Variants in TBC1D4 observed in about 807,000 individuals in gnomAD.
TBC1D4 encodes TBC (Tre-2, BUB2, CDC16) domain-containing protein.
Under a neutral mutation model 142.5 loss-of-function variants are expected in TBC1D4, and 121 were observed. The ratio of observed to expected loss-of-function variants is 0.85; its 90% CI spans 0.73 to 0.99. The LOEUF is 0.99. Among genes scored for constraint, TBC1D4 ranks in the 50% least tolerant of loss-of-function variants. The pLI, the probability that TBC1D4 is intolerant of heterozygous loss-of-function variation, is 0.00. For synonymous variants in TBC1D4, 630 were observed against 628.2 expected, an observed-to-expected ratio of 1.00 and a Z score of -0.04; for missense variants, 1,475 against 1,606.6, an observed-to-expected ratio of 0.92 and a Z score of 1.40.
rs556147604 is a variant in TBC1D4 at position 75,355,047 on chromosome 13, C to T, written c.1275+1100G>A. Among the ~76,000 whole-genome samples the T allele has an allele frequency of 3.9e-5, 6 of 152,220 alleles. No individual in the cohort carries two copies. In the South Asian group the frequency reaches 1.2e-3, roughly 32 times the overall value. On this transcript the variant is annotated intron_variant, in intron 4 of 20. Coordinates refer to ENST00000377636, the MANE Select transcript of TBC1D4 (RefSeq NM_014832.5). ...TATCTTTTAGAGAAAAAGATGAAGG[C>T]CAGAGGCTGCTGGTCACAAAGTGCC...
intron 1 of TBC1D4, among the ~76,000 whole-genome samples, chr13:75,428,654 A>C (rs1036372317): frequency 6.6e-6 from 1 of 152,246 alleles, no homozygotes; most frequent in Non-Finnish European, 1.5e-5. Flanking sequence ...TTTTCTTCCA[A>C]AATGGTTTTT....
chr13:75,294,764 T>C (rs1434917941), intron 18 of TBC1D4, 90 bp downstream of exon 18: 5 of 1,419,610 alleles, frequency 3.5e-6, no homozygotes, highest in Non-Finnish European at 2.0e-6. Context: ...TAACACATGA[T>C]AGAACAATAG....
chr13:75,396,962 G>A (rs1179490134), intron 1 of TBC1D4, among the ~76,000 whole-genome samples: 3 of 152,146 alleles, frequency 2.0e-5, no homozygotes, highest in African/African-American at 4.8e-5. Flanking sequence ...TAAGAAACAG[G>A]AAGCCATACA....
chr13:75,394,655 A>T (rs1884687787), intron 1 of TBC1D4, among the ~76,000 whole-genome samples: 3 of 152,324 alleles, frequency 2.0e-5, no homozygotes, highest in Admixed American at 2.0e-4. Flanking sequence ...TAGACGCTAG[A>T]TTTGCGAATC....
chr13:75,360,453 T>C (rs557366765), intron 2 of TBC1D4, among the ~76,000 whole-genome samples: 5 of 152,130 alleles, frequency 3.3e-5, no homozygotes, highest in African/African-American at 1.2e-4. Context: ...AGAAAAAATA[T>C]GAACTTCCAG....
At chr13:75,424,109 T>A (rs1049731602) in intron 1 of TBC1D4, among the ~76,000 whole-genome samples, 2 of 151,898 alleles carry the variant, frequency 1.3e-5, no homozygotes, top group African/African-American at 2.4e-5. Context: ...CAAAACAATT[T>A]AAAAATTCAA....
At chr13:75,438,496 T>A (rs1382386952) in intron 1 of TBC1D4, among the ~76,000 whole-genome samples, 1 of 152,184 alleles carries the variant, frequency 6.6e-6, no homozygotes, top group African/African-American at 2.4e-5. Context: ...ATCAATGTCC[T>A]CTAAAGCACT....
intron 1 of TBC1D4, among the ~76,000 whole-genome samples, chr13:75,445,506 A>G (rs918074027): frequency 6.6e-6 from 1 of 152,238 alleles, no homozygotes; most frequent in Non-Finnish European, 1.5e-5. Flanking sequence ...ATCCACTGAG[A>G]TCGTATATGC....
intron 17 of TBC1D4, among the ~76,000 whole-genome samples, chr13:75,298,766 TACAC>T (rs767678319): frequency 3.5e-5 from 5 of 142,788 alleles, no homozygotes; most frequent in Non-Finnish European, 7.8e-5. Flanking sequence ...CACACACACA[TACAC>T]ACACACACAC....
At chr13:75,354,382 GC>G (rs1351045942) in intron 4 of TBC1D4, among the ~76,000 whole-genome samples, 1 of 152,156 alleles carries the variant, frequency 6.6e-6, no homozygotes, top group African/African-American at 2.4e-5. Flanking sequence ...TAACACAAGG[GC>G]CCAAGTAAAG....
At chr13:75,385,980 C>T (rs1884142926) in intron 1 of TBC1D4, among the ~76,000 whole-genome samples, 1 of 152,140 alleles carries the variant, frequency 6.6e-6, no homozygotes, top group Admixed American at 6.5e-5. Flanking sequence ...AGTGTGCACC[C>T]TAAAGCCCTC....
chr13:75,345,284 G>T (rs1881055744), intron 5 of TBC1D4, among the ~76,000 whole-genome samples: 1 of 152,228 alleles, frequency 6.6e-6, no homozygotes, highest in African/African-American at 2.4e-5. Context: ...CTCGCACATG[G>T]AGAGGCCTAC....
At chr13:75,375,843 C>T (rs1883475029) in intron 1 of TBC1D4, 1 of 141,258 alleles carries the variant, frequency 7.1e-6, no homozygotes, top group Non-Finnish European at 1.5e-5. Flanking sequence ...CAAAACAAAT[C>T]TACTTACACC....
chr13:75,481,399 C>G lies in TBC1D4; in HGVS notation c.369G>C (p.Ala123=). The stretch of plus-strand genomic sequence containing the variant: ...TGTGGATGAAGCGCGAGATATGCTG[C>G]GCCTTGTGCTCGAAGATGAATACCG... ...NPAVFIFEHK[A]QHISRFIHNS... is the part of the protein sequence containing the mutation. Residue 123 remains alanine, a synonymous_variant, in exon 1 of 21, where the codon GCG becomes GCC. Transcript: ENST00000377636. 1 of 1,613,902 alleles carries G rather than the reference C, an allele frequency of 6.2e-7. No homozygotes were observed. Among genetic ancestry groups the G allele is most frequent in the Non-Finnish European group, 8.5e-7 (1 of 1,179,834 alleles).
rs572024235 is a variant in TBC1D4, at chr13:75,409,831, T to A, written c.499-47224A>T. On this transcript the variant is annotated intron_variant, in intron 1 of 20. Coordinates refer to ENST00000377636, the MANE Select transcript of TBC1D4 (RefSeq NM_014832.5). ...ACCCTTTGCTAGATAGCTATAAAGG[T>A]CCCTTCTAATCTTAGGATGTTAAGA... Among the ~76,000 whole-genome samples the A allele has an allele frequency of 3.9e-5, 6 of 152,338 alleles. No individual in the cohort carries two copies. The South Asian group carries it at 1.2e-3, about 32-fold the overall frequency.
chr13:75,427,514 T>C (rs1469721088), intron 1 of TBC1D4, among the ~76,000 whole-genome samples: 1 of 152,102 alleles, frequency 6.6e-6, no homozygotes, highest in African/African-American at 2.4e-5. Context: ...AAAGACCCTG[T>C]CTCTATTTTT....
At chr13:75,434,931 T>C (rs1886734499) in intron 1 of TBC1D4, among the ~76,000 whole-genome samples, 2 of 150,262 alleles carry the variant, frequency 1.3e-5, no homozygotes, top group Non-Finnish European at 3.0e-5. Context: ...GCAAGTCACC[T>C]GAGGTTAGGC....
intron 1 of TBC1D4, among the ~76,000 whole-genome samples, chr13:75,466,127 C>A (rs1032872978): frequency 2.6e-5 from 4 of 152,192 alleles, no homozygotes; most frequent in Admixed American, 1.3e-4. Flanking sequence ...CAGAATAAAT[C>A]TCTTCAAATA....
chr13:75,338,264 C>G (rs1011433897), intron 7 of TBC1D4, among the ~76,000 whole-genome samples: 4 of 151,128 alleles, frequency 2.6e-5, no homozygotes, highest in Non-Finnish European at 5.9e-5. Flanking sequence ...CAAGAAAGGC[C>G]CCACCAAGAA....
Sources: allele counts gnomAD v4.1 joint callset (sites outside exome capture counted in the v4.1 genomes callset), GRCh38; gene constraint gnomAD v4.1.1; transcripts MANE v1.5; gene names NCBI Gene and HGNC (gene_info 2026-07-23, HGNC 2026-07-21).